Variants in SLC35F4 observed in about 807,000 individuals in gnomAD.
SLC35F4 encodes the protein chromosome 14 open reading frame 36.
SLC35F4 carries 24 observed loss-of-function variants against 44.2 expected under a neutral mutation model. The ratio of observed to expected loss-of-function variants is 0.54; its 90% CI spans 0.39 to 0.76. SLC35F4 has a LOEUF of 0.76. SLC35F4 is among the 30% of genes least tolerant of loss of function. SLC35F4 has a pLI of 0.00. For missense variants in SLC35F4, 562 were observed against 586.1 expected (o/e 0.96, Z 0.42); for synonymous variants, 238 against 223.6 (o/e 1.06, Z -0.57).
intron 1 of SLC35F4, among the ~76,000 whole-genome samples, chr14:57,599,762 A>G (rs1203466424): frequency 4.8e-5 from 7 of 144,652 alleles, no homozygotes; most frequent in African/African-American, 1.3e-4. Context: ...AGATCACGCC[A>G]TTGCACTCCA....
intron 1 of SLC35F4, among the ~76,000 whole-genome samples, chr14:57,914,581 A>C (rs1038832426): frequency 2.0e-5 from 3 of 151,866 alleles, no homozygotes; most frequent in Non-Finnish European, 4.4e-5. Flanking sequence ...AAAAAAAAAA[A>C]CCACAGTCTC....
chr14:57,844,944 C>CCA (rs1885871856), intron 1 of SLC35F4, among the ~76,000 whole-genome samples: 1 of 152,020 alleles, frequency 6.6e-6, no homozygotes, highest in South Asian at 2.1e-4. Context: ...TTCCCCCACC[C>CCA]CCCCATGCAC....
At chr14:57,771,344 A>T (rs987093582) in intron 1 of SLC35F4, among the ~76,000 whole-genome samples, 7 of 152,144 alleles carry the variant, frequency 4.6e-5, no homozygotes. Context: ...CCTTCCATCC[A>T]TAAGTGGGGC....
At chr14:57,852,968 G>C (rs374506866) in intron 1 of SLC35F4, among the ~76,000 whole-genome samples, 2 of 152,220 alleles carry the variant, frequency 1.3e-5, no homozygotes, top group East Asian at 3.8e-4. Context: ...CTTGGCATTA[G>C]CCTAGGTCTA....
intron 1 of SLC35F4, among the ~76,000 whole-genome samples, chr14:57,637,219 C>T (rs772766705): frequency 3.9e-5 from 6 of 152,110 alleles, no homozygotes; most frequent in Non-Finnish European, 8.8e-5. Flanking sequence ...AGTCACCAAA[C>T]CCATCAACCT....
At chr14:57,566,008 G>T (rs2068187207) in intron 7 of SLC35F4, among the ~76,000 whole-genome samples, 1 of 152,134 alleles carries the variant, frequency 6.6e-6, no homozygotes, top group Non-Finnish European at 1.5e-5. Flanking sequence ...GAGTAAAATT[G>T]CTTTTTCCTT....
At chr14:57,952,302 A>G (rs1006171127) in intron 1 of SLC35F4, among the ~76,000 whole-genome samples, 2 of 152,218 alleles carry the variant, frequency 1.3e-5, no homozygotes, top group Non-Finnish European at 2.9e-5. Flanking sequence ...ATCAAAGACC[A>G]AAGGTAGATA....
At chr14:57,688,204 G>A (rs1053931638) in intron 1 of SLC35F4, among the ~76,000 whole-genome samples, 6 of 152,126 alleles carry the variant, frequency 3.9e-5, no homozygotes, top group Admixed American at 6.6e-5. Context: ...CAGAGGTCAT[G>A]AGAGAGACAG....
chr14:57,805,930 A>C (rs927962780), intron 1 of SLC35F4, among the ~76,000 whole-genome samples: 8 of 152,214 alleles, frequency 5.3e-5, no homozygotes, highest in Non-Finnish European at 1.0e-4. Flanking sequence ...CCAGGTTTGG[A>C]ATATTCTCAG....
chr14:57,669,977 G>A (rs1333698347), intron 1 of SLC35F4, among the ~76,000 whole-genome samples: 1 of 151,992 alleles, frequency 6.6e-6, no homozygotes, highest in East Asian at 1.9e-4. Context: ...TTTTTGGTTG[G>A]TAAGCTATTA....
chr14:57,678,179 C>A (rs1202835275), intron 1 of SLC35F4, among the ~76,000 whole-genome samples: 2 of 152,098 alleles, frequency 1.3e-5, no homozygotes, highest in Admixed American at 6.5e-5. Flanking sequence ...GATTTATCTG[C>A]AGAAACCCTA....
intron 1 of SLC35F4, among the ~76,000 whole-genome samples, chr14:57,813,904 G>A (rs1337541213): frequency 6.6e-6 from 1 of 152,162 alleles, no homozygotes; most frequent in African/African-American, 2.4e-5. Flanking sequence ...CATGCTCTGG[G>A]GTTGTATCAC....
At chr14:57,617,452 GA>G (rs1055775404) in intron 1 of SLC35F4, among the ~76,000 whole-genome samples, 1 of 149,770 alleles carries the variant, frequency 6.7e-6, no homozygotes, top group Admixed American at 6.7e-5. Context: ...TTCTTAAAAA[GA>G]AAAAAAAATG....
chr14:57,884,081 T>C (rs940061389), intron 1 of SLC35F4, among the ~76,000 whole-genome samples: 4 of 152,180 alleles, frequency 2.6e-5, no homozygotes, highest in Admixed American at 6.5e-5. Flanking sequence ...TTAAGCCATA[T>C]TGTACTAAAT....
chr14:57,633,868 T>C (rs570242368), intron 1 of SLC35F4, among the ~76,000 whole-genome samples: 1 of 152,242 alleles, frequency 6.6e-6, no homozygotes, highest in South Asian at 2.1e-4. Flanking sequence ...TTTCTTTTTA[T>C]TGCGGAGTGG....
intron 1 of SLC35F4, among the ~76,000 whole-genome samples, chr14:57,853,035 A>G (rs1886724721): frequency 1.3e-5 from 2 of 152,212 alleles, no homozygotes; most frequent in African/African-American, 4.8e-5. Flanking sequence ...GTTTAAATAT[A>G]CCATGTTAAA....
chr14:57,654,005 G>A (rs969031480), intron 1 of SLC35F4, among the ~76,000 whole-genome samples: 8 of 152,040 alleles, frequency 5.3e-5, no homozygotes, highest in African/African-American at 1.9e-4. Context: ...CCCCACCCCT[G>A]CCTTCATCTT....
intron 1 of SLC35F4, among the ~76,000 whole-genome samples, chr14:57,839,858 T>TA (rs1885325608): frequency 6.6e-6 from 1 of 152,182 alleles, no homozygotes; most frequent in Non-Finnish European, 1.5e-5. Context: ...CAGGAGATCC[T>TA]GATGCAGAGC....
At chr14:57,878,865 G>A (rs189497535) in intron 1 of SLC35F4, among the ~76,000 whole-genome samples, 5 of 152,232 alleles carry the variant, frequency 3.3e-5, no homozygotes, top group African/African-American at 1.2e-4. Flanking sequence ...AGTCCTTGGA[G>A]CCAAATGTTC....
Sources: gnomAD v4.1 joint callset for allele counts (sites outside exome capture counted in the v4.1 genomes callset) on GRCh38, gnomAD v4.1.1 for gene constraint, MANE v1.5 for transcripts, NCBI Gene and HGNC (gene_info 2026-07-23, HGNC 2026-07-21) for gene names.